Variants in SLC35F4 observed in about 807,000 individuals in gnomAD.
The protein encoded by SLC35F4 is solute carrier family 35 member F4.
A neutral mutation model predicts 44.2 loss-of-function variants in SLC35F4; 24 were observed. The observed-to-expected ratio is 0.54, with a 90% CI of 0.39 to 0.76. The LOEUF (loss-of-function observed/expected upper bound fraction) is 0.76. Ranked by LOEUF, SLC35F4 falls within the 30% of genes least tolerant of loss-of-function variation. SLC35F4 has a pLI of 0.00. For synonymous variants in SLC35F4, 238 were observed against 223.6 expected (o/e 1.06, Z -0.57); for missense variants, 562 against 586.1 (o/e 0.96, Z 0.42).
chr14:57,764,683 G>A (rs954684043), intron 1 of SLC35F4, among the ~76,000 whole-genome samples: 1 of 152,182 alleles, frequency 6.6e-6, no homozygotes, highest in African/African-American at 2.4e-5. Flanking sequence ...TTAGGAAAAT[G>A]TAAATACTGA....
chr14:57,593,180 G>T (rs1336574022), intron 2 of SLC35F4, among the ~76,000 whole-genome samples: 1 of 152,208 alleles, frequency 6.6e-6, no homozygotes, highest in Non-Finnish European at 1.5e-5. Flanking sequence ...GTGGAAGTAT[G>T]CTCGGTCATA....
chr14:57,967,722 G>A lies in SLC35F4; in HGVS notation n.282+14191C>T, dbSNP rs184191299. ...GCTTCCACAATCACACAGCTTGTAA[G>A]TTGGTGTAGAGTTAAAAATTATAAA... On this transcript the variant is annotated intron_variant and non_coding_transcript_variant, in intron 1 of 1. Coordinates refer to the SLC35F4 transcript ENST00000556568. Among the ~76,000 whole-genome samples, 164 of 152,334 alleles carry A rather than the reference G, an allele frequency of 1.1e-3. 2 individuals are homozygous for A. Among genetic ancestry groups the A allele is most frequent in the South Asian group, 2.9e-3 (14 of 4,830 alleles).
Position 57,571,952 on chromosome 14 carries a change from T to C in SLC35F4, c.875A>G (p.Asp292Gly). Residue 292 changes from aspartate to glycine, a missense_variant, in exon 5 of 8, where the codon GAT (aspartate) becomes GGT (glycine). By Grantham distance (94) the Asp-to-Gly change is moderately conservative. Coordinates refer to ENST00000556826, the MANE Select transcript of SLC35F4 (RefSeq NM_001306087.2). ...CGCAAATGCCACTCCTATGATGGAA[T>C]CAGCGTGGAAATTATCTGCATATGC... ...MMAYADNFHADSIIGVAFAVG... is the reference protein window; with the variant it reads ...MMAYADNFHAGSIIGVAFAVG... The C allele has an allele frequency of 6.2e-7, 1 of 1,612,590 alleles. No individual in the cohort carries two copies. Among genetic ancestry groups the C allele is most frequent in the Non-Finnish European group, 8.5e-7 (1 of 1,179,272 alleles).
At chr14:57,860,401 G>A (rs1263320108) in intron 1 of SLC35F4, among the ~76,000 whole-genome samples, 1 of 152,164 alleles carries the variant, frequency 6.6e-6, no homozygotes, top group Non-Finnish European at 1.5e-5. Flanking sequence ...CTCCTTTACT[G>A]ATACCTTTCC....
intron 1 of SLC35F4, among the ~76,000 whole-genome samples, chr14:57,635,118 C>T (rs2072961492): frequency 6.6e-6 from 1 of 151,828 alleles, no homozygotes; most frequent in African/African-American, 2.4e-5. Context: ...TGATGGCATG[C>T]ACCTATAGTC....
intron 1 of SLC35F4, among the ~76,000 whole-genome samples, chr14:57,754,042 C>T (rs1339791202): frequency 2.6e-5 from 4 of 151,668 alleles, no homozygotes; most frequent in African/African-American, 4.9e-5. Context: ...ATAGGAAAAG[C>T]TCCTCTAAAC....
rs1447676516 is a variant in SLC35F4, at chr14:57,959,724, G to A, written n.282+22189C>T. ...AGCCCCATTTTCTTTATCTGAAAACGAGGATGGTAACAATACCTACCTCAT... is the reference window on the plus strand; with the variant it reads ...AGCCCCATTTTCTTTATCTGAAAACAAGGATGGTAACAATACCTACCTCAT... On this transcript the variant is annotated intron_variant and non_coding_transcript_variant, in intron 1 of 1. Transcript: ENST00000556568. 3.3e-5 allele frequency among the ~76,000 whole-genome samples: 5 copies of A among 152,106 alleles called. No individual in the cohort carries two copies. The South Asian group carries it at 6.2e-4, about 19-fold the overall frequency.
intron 4 of SLC35F4, chr14:57,580,476 T>C (rs1420483884): frequency 8.6e-6 from 3 of 347,510 alleles, no homozygotes; most frequent in South Asian, 2.3e-5. Context: ...ATGTTCATCA[T>C]AGTGGCATGC....
intron 1 of SLC35F4, among the ~76,000 whole-genome samples, chr14:57,929,330 TTAAACATTAAAATGTTTCTTC>T (rs1454930326): frequency 6.6e-6 from 1 of 152,134 alleles, no homozygotes; most frequent in African/African-American, 2.4e-5. Context: ...AATACGGCAT[TTAAACATTAAAATGTTTCTTC>T]TAAACATTTT....
At chr14:57,582,157 A>C (rs1436835839) in intron 3 of SLC35F4, among the ~76,000 whole-genome samples, 1 of 152,078 alleles carries the variant, frequency 6.6e-6, no homozygotes, top group East Asian at 2.0e-4. Context: ...GGCTACATTT[A>C]GCCCCAGGGG....
At chr14:57,888,656 CAG>C (rs1323227682) in intron 1 of SLC35F4, among the ~76,000 whole-genome samples, 2 of 152,082 alleles carry the variant, frequency 1.3e-5, no homozygotes, top group Non-Finnish European at 2.9e-5. Context: ...ATTGGGAAAA[CAG>C]AGAGCCATGA....
intron 1 of SLC35F4, among the ~76,000 whole-genome samples, chr14:57,941,840 A>G (rs1380338841): frequency 6.6e-6 from 1 of 152,196 alleles, no homozygotes; most frequent in Non-Finnish European, 1.5e-5. Flanking sequence ...TGCCTGATAT[A>G]CAGGTACTTA....
intron 1 of SLC35F4, among the ~76,000 whole-genome samples, chr14:57,615,456 T>A (rs2071759724): frequency 6.6e-6 from 1 of 152,218 alleles, no homozygotes; most frequent in Non-Finnish European, 1.5e-5. Flanking sequence ...TGTGATCAAT[T>A]AAACTTATGT....
chr14:57,607,909 G>A (rs1303936876), intron 1 of SLC35F4, among the ~76,000 whole-genome samples: 1 of 152,048 alleles, frequency 6.6e-6, no homozygotes, highest in Non-Finnish European at 1.5e-5. Flanking sequence ...TAGAAATAAG[G>A]GTGAAAGAGG....
chr14:57,855,553 G>A (rs1256844154), intron 1 of SLC35F4, among the ~76,000 whole-genome samples: 2 of 152,188 alleles, frequency 1.3e-5, no homozygotes, highest in African/African-American at 4.8e-5. Context: ...GTGCTGGAGA[G>A]GATCTGGAGA....
At chr14:57,595,735 C>T (rs769002991) in intron 1 of SLC35F4, 2 of 152,144 alleles carry the variant, frequency 1.3e-5, no homozygotes, top group Admixed American at 6.5e-5. Context: ...TACTGAGTAC[C>T]TTTGATTTGT....
chr14:57,654,580 A>G (rs2073899852), intron 1 of SLC35F4, among the ~76,000 whole-genome samples: 1 of 152,164 alleles, frequency 6.6e-6, no homozygotes. Flanking sequence ...TTTTAATAAA[A>G]TTACTTATTT....
At chr14:57,930,006 G>A (rs1889664024) in intron 1 of SLC35F4, among the ~76,000 whole-genome samples, 1 of 152,170 alleles carries the variant, frequency 6.6e-6, no homozygotes, top group Non-Finnish European at 1.5e-5. Flanking sequence ...GTTTCATAAA[G>A]GGATAGGGGA....
At chr14:57,961,301 C>T (rs1890335701) in intron 1 of SLC35F4, among the ~76,000 whole-genome samples, 1 of 152,104 alleles carries the variant, frequency 6.6e-6, no homozygotes, top group Non-Finnish European at 1.5e-5. Flanking sequence ...CCCAGCAGGA[C>T]ACTGAGGATA....
Sources: gnomAD v4.1 joint callset for allele counts (sites outside exome capture counted in the v4.1 genomes callset) on GRCh38, gnomAD v4.1.1 for gene constraint, MANE v1.5 for transcripts, NCBI Gene and HGNC (gene_info 2026-07-23, HGNC 2026-07-21) for gene names.